DGKI: variants seen among roughly 807,000 people sequenced by gnomAD.
DGKI encodes the protein diacylglycerol kinase iota.
Under a neutral mutation model 147.5 loss-of-function variants are expected in DGKI, and 55 were observed. The ratio of observed to expected loss-of-function variants is 0.37; its 90% CI spans 0.30 to 0.47. The LOEUF (loss-of-function observed/expected upper bound fraction) is 0.47, where lower values mean the gene tolerates loss of function less well. Among genes scored for constraint, DGKI ranks in the 20% least tolerant of loss-of-function variants. The pLI is 1.00. For synonymous variants in DGKI, 469 were observed against 477.1 expected (o/e 0.98, Z 0.22); for missense variants, 1,007 against 1,323.8 (o/e 0.76, Z 3.71).
chr7:137,460,192 C>A (rs1218511266), intron 27 of DGKI, among the ~76,000 whole-genome samples: 2 of 152,190 alleles, frequency 1.3e-5, no homozygotes, highest in East Asian at 3.9e-4. Flanking sequence ...GTGTTCAGGG[C>A]CTTTTCAGTT....
chr7:137,619,802 G>T, intron 8 of DGKI, 22 bp downstream of exon 8: 1 of 1,576,882 alleles, frequency 6.3e-7, no homozygotes, highest in Non-Finnish European at 8.7e-7. Flanking sequence ...TGGCCCAGCA[G>T]CACCAGAGTC....
At chr7:137,421,327 C>T (rs944340783) in intron 28 of DGKI, among the ~76,000 whole-genome samples, 1 of 151,844 alleles carries the variant, frequency 6.6e-6, no homozygotes, top group Non-Finnish European at 1.5e-5. Context: ...AGATGGGAGA[C>T]AAAAATAGGT....
intron 3 of DGKI, among the ~76,000 whole-genome samples, chr7:137,671,848 C>T (rs1822851954): frequency 6.6e-6 from 1 of 152,192 alleles, no homozygotes; most frequent in South Asian, 2.1e-4. Context: ...AAGCCATTTT[C>T]ACCAAACATT....
At chr7:137,451,226 C>G (rs115760676) in intron 27 of DGKI, among the ~76,000 whole-genome samples, 1 of 152,118 alleles carries the variant, frequency 6.6e-6, no homozygotes, top group Non-Finnish European at 1.5e-5. Context: ...TCCTCTGGAA[C>G]GGAGTGTTGT....
At chr7:137,584,438 T>C (rs1385424613) in intron 14 of DGKI, among the ~76,000 whole-genome samples, 1 of 152,202 alleles carries the variant, frequency 6.6e-6, no homozygotes, top group Non-Finnish European at 1.5e-5. Context: ...TTACAACTAT[T>C]CATATATCCC....
At chr7:137,631,975 C>T (rs1020657915) in intron 6 of DGKI, among the ~76,000 whole-genome samples, 2 of 152,142 alleles carry the variant, frequency 1.3e-5, no homozygotes, top group Non-Finnish European at 2.9e-5. Context: ...GGCTCTCCCT[C>T]GTAGGTTAGA....
In DGKI at chr7:137,407,990, T is replaced by C; in HGVS notation, c.2805A>G (p.Ile935Met). The C allele has an allele frequency of 6.5e-7, 1 of 1,536,268 alleles. No homozygotes were observed. Among genetic ancestry groups the C allele is most frequent in the Non-Finnish European group, 8.7e-7 (1 of 1,149,112 alleles). ...GACTGCCTCCATTTTTATAGCTTTC[T>C]ATTAGCTGCAAAGAGAGACATACAA... ...AVIAGDLMKL[I>M]ESYKNGGSLL... The change falls in exon 30 of 33, where the codon ATA (isoleucine) becomes ATG (methionine). Residue 935 changes from isoleucine (I) to methionine (M), a missense_variant. By Grantham distance (10) the Ile-to-Met change is conservative. This residue lies in a region of DGKI where 385 missense variants were observed against 445.2 expected (regional missense o/e 0.86). Transcript: ENST00000614521.
intron 1 of DGKI, among the ~76,000 whole-genome samples, chr7:137,780,778 A>C (rs1796495001): frequency 6.6e-6 from 1 of 152,250 alleles, no homozygotes; most frequent in Non-Finnish European, 1.5e-5. Flanking sequence ...AAGGTGCTAT[A>C]AACTGTTTAT....
chr7:137,485,204 T>C (rs1384369432), intron 23 of DGKI, among the ~76,000 whole-genome samples, 170 bp downstream of exon 23: 1 of 152,048 alleles, frequency 6.6e-6, no homozygotes, highest in African/African-American at 2.4e-5. Context: ...ACTAGGCTGG[T>C]CCAAAATCAG....
intron 20 of DGKI, among the ~76,000 whole-genome samples, chr7:137,528,167 CT>C (rs1430507183): frequency 6.6e-6 from 1 of 152,160 alleles, no homozygotes; most frequent in Non-Finnish European, 1.5e-5. Context: ...CAGCTTTTCC[CT>C]TTGTGAAAAA....
intron 1 of DGKI, among the ~76,000 whole-genome samples, chr7:137,736,643 A>G (rs1298513049): frequency 6.6e-6 from 1 of 152,148 alleles, no homozygotes; most frequent in African/African-American, 2.4e-5. Context: ...TCCTAAGTGA[A>G]ATAACATCTA....
rs764274134 is a variant in DGKI at position 137,391,388 on chromosome 7, C to G, written c.3058-52G>C. The G allele has an allele frequency of 7.0e-6, 9 of 1,281,150 alleles. No homozygotes were observed. The East Asian group carries it at 2.2e-4, about 31-fold the overall frequency. 79.4% of individuals were successfully genotyped at this position (1,281,150 alleles called of 1,614,324 possible). On this transcript the variant is annotated intron_variant, in intron 32 of 32. Transcript: ENST00000614521. ...AAAGAGAGAGAGAGATAGACACAAG[C>G]GCTAGTCGTGAAATACAAAAACAAA...
intron 23 of DGKI, among the ~76,000 whole-genome samples, chr7:137,473,938 A>G (rs118009396): frequency 1.6e-3 from 242 of 152,308 alleles, no homozygotes; most frequent in Non-Finnish European, 2.8e-3. Flanking sequence ...GTGACCTGAC[A>G]ATTAAACTTC....
chr7:137,845,556 G>A (rs1287487131), intron 1 of DGKI, among the ~76,000 whole-genome samples: 1 of 152,184 alleles, frequency 6.6e-6, no homozygotes, highest in African/African-American at 2.4e-5. Context: ...AAGCAGTAGG[G>A]TTAGTGTCAA....
chr7:137,668,793 C>G (rs1385788481), intron 3 of DGKI, among the ~76,000 whole-genome samples: 1 of 152,156 alleles, frequency 6.6e-6, no homozygotes, highest in Non-Finnish European at 1.5e-5. Context: ...TTTCACCTCA[C>G]AAGCTCAGTC....
At chr7:137,787,234 C>G (rs1260827853) in intron 1 of DGKI, among the ~76,000 whole-genome samples, 2 of 152,030 alleles carry the variant, frequency 1.3e-5, no homozygotes, top group African/African-American at 4.8e-5. Flanking sequence ...TGACAAATGA[C>G]TAATATCCAG....
intron 12 of DGKI, among the ~76,000 whole-genome samples, chr7:137,591,516 A>C (rs1223425664): frequency 1.3e-5 from 2 of 152,058 alleles, no homozygotes; most frequent in African/African-American, 4.8e-5. Flanking sequence ...AGCATTCCCC[A>C]ACAGCCAGCA....
intron 28 of DGKI, among the ~76,000 whole-genome samples, chr7:137,414,899 C>T (rs1812300621): frequency 6.6e-6 from 1 of 152,156 alleles, no homozygotes; most frequent in Non-Finnish European, 1.5e-5. Flanking sequence ...AACAGCTGCA[C>T]TGCTCACCTC....
chr7:137,804,090 T>C (rs1479132511), intron 1 of DGKI, among the ~76,000 whole-genome samples: 1 of 152,166 alleles, frequency 6.6e-6, no homozygotes, highest in Non-Finnish European at 1.5e-5. Flanking sequence ...GCTTAGACCA[T>C]TCTCTCTTCA....
Sources: allele counts gnomAD v4.1 joint callset (sites outside exome capture counted in the v4.1 genomes callset), GRCh38; gene constraint gnomAD v4.1.1; regional missense constraint gnomAD v4.1.1; transcripts MANE v1.5; gene names NCBI Gene and HGNC (gene_info 2026-07-23, HGNC 2026-07-21).